The following WRN variants were observed in gnomAD, a reference collection of about 807,000 sequenced individuals.
The protein encoded by WRN is WRN RecQ like helicase, also known as bifunctional 3'-5' exonuclease/ATP-dependent helicase WRN.
Under a neutral mutation model 180.7 loss-of-function variants are expected in WRN, and 149 were observed. The observed-to-expected ratio is 0.82, with a 90% CI of 0.72 to 0.94. WRN has a LOEUF of 0.94. Among genes scored for constraint, WRN ranks in the 40% least tolerant of loss-of-function variants. The pLI is 0.00. For synonymous variants in WRN, 548 were observed against 568.9 expected, an observed-to-expected ratio of 0.96 and a Z score of 0.52; for missense variants, 1,661 against 1,700.1, an observed-to-expected ratio of 0.98 and a Z score of 0.40.
At chr8:31,116,549 T>C (rs773873583) in intron 20 of WRN, 21 bp downstream of exon 20, 2 of 1,612,608 alleles carry the variant, frequency 1.2e-6, no homozygotes, top group Admixed American at 1.7e-5. Flanking sequence ...CAATCATCAT[T>C]GCTCTCCGTT....
chr8:31,128,353 T>A (rs1802008316), intron 23 of WRN, among the ~76,000 whole-genome samples: 3 of 151,946 alleles, frequency 2.0e-5, no homozygotes, highest in African/African-American at 7.2e-5. Context: ...ACTATAGCAG[T>A]GTATCTCAAG....
chr8:31,116,049 C>T (rs183336263), intron 19 of WRN, among the ~76,000 whole-genome samples: 3 of 152,172 alleles, frequency 2.0e-5, no homozygotes, highest in South Asian at 2.1e-4. Flanking sequence ...TTGTATCTGT[C>T]GTTTATAAGT....
chr8:31,087,599 A>G, intron 11 of WRN, 177 bp from the exon 12 acceptor site: 2 of 596,894 alleles, frequency 3.4e-6, no homozygotes, highest in East Asian at 3.0e-5. Flanking sequence ...CGCCTTAGAA[A>G]CCATTCATGA....
chr8:31,069,113 A>G (rs1167897865), intron 7 of WRN, among the ~76,000 whole-genome samples: 2 of 152,264 alleles, frequency 1.3e-5, no homozygotes, highest in African/African-American at 4.8e-5. Flanking sequence ...TAAAGTTATC[A>G]CTATTCTCGT....
intron 18 of WRN, among the ~76,000 whole-genome samples, chr8:31,102,941 A>G (rs1051487484): frequency 6.6e-6 from 1 of 152,224 alleles, no homozygotes; most frequent in Non-Finnish European, 1.5e-5. Flanking sequence ...AACACATTGT[A>G]CAGCTGTACA....
chr8:31,052,178 A>G (rs936466263), intron 1 of WRN, among the ~76,000 whole-genome samples: 2 of 152,214 alleles, frequency 1.3e-5, no homozygotes, highest in African/African-American at 2.4e-5. Context: ...TTGATTATTC[A>G]TTAAAAAATT....
intron 18 of WRN, among the ~76,000 whole-genome samples, chr8:31,102,322 T>C (rs1387460365): frequency 6.6e-6 from 1 of 152,216 alleles, no homozygotes; most frequent in Admixed American, 6.5e-5. Flanking sequence ...GAATTAGTTT[T>C]TTTCACTCAA....
At chr8:31,130,037 C>G (rs538992605) in intron 23 of WRN, among the ~76,000 whole-genome samples, 2 of 117,398 alleles carry the variant, frequency 1.7e-5, no homozygotes, top group Non-Finnish European at 3.7e-5. Context: ...AAAAAAAAAA[C>G]TAGTAAGAGG....
Position 31,174,882 on chromosome 8 carries a change from T to TCTCTC in WRN, c.*1780_*1781insCTCTC, listed in dbSNP as rs1804232533. On this transcript the variant is annotated 3_prime_UTR_variant, in exon 35 of 35. Coordinates refer to ENST00000298139, the MANE Select transcript of WRN (RefSeq NM_000553.6). ...TTTTTCTTTCTCTTTCTTTCTTTCTTTCTCTCTCTCTCTCTCTTTCTTTCT... is the reference window on the plus strand; with the variant it reads ...TTTTTCTTTCTCTTTCTTTCTTTCTTCTCTCTCTCTCTCTCTCTCTCTTTCTTTCT... Among the ~76,000 whole-genome samples, 12 of 134,896 alleles carry TCTCTC rather than the reference T, an allele frequency of 8.9e-5. No homozygotes were observed. The South Asian group carries it at 1.8e-3, about 21-fold the overall frequency. The allele number at this position is 134,896 out of a possible 152,430, so 88.5% of individuals were successfully genotyped here.
chr8:31,112,319 T>A (rs752845310), intron 19 of WRN, among the ~76,000 whole-genome samples: 7 of 152,198 alleles, frequency 4.6e-5, no homozygotes, highest in Non-Finnish European at 5.9e-5. Context: ...TCTAGTTTAC[T>A]AATTACATGA....
intron 1 of WRN, among the ~76,000 whole-genome samples, chr8:31,057,626 A>G (rs1289969827): frequency 6.6e-6 from 1 of 152,182 alleles, no homozygotes; most frequent in Non-Finnish European, 1.5e-5. Flanking sequence ...AATAGGAACT[A>G]AAGTTGAAGT....
At chr8:31,150,315 G>T in intron 30 of WRN, 26 bp from the exon 31 acceptor site, 1 of 1,556,098 alleles carries the variant, frequency 6.4e-7, no homozygotes, top group Non-Finnish European at 8.9e-7. Flanking sequence ...CCTTTTTGTT[G>T]TTGTTGTTGT....
At chr8:31,059,344 C>A in intron 3 of WRN, 79 bp downstream of exon 3, 1 of 1,177,488 alleles carries the variant, frequency 8.5e-7, no homozygotes, top group Non-Finnish European at 1.3e-6. Flanking sequence ...TGTGAATATA[C>A]TGAGTTTTAC....
intron 33 of WRN, among the ~76,000 whole-genome samples, chr8:31,160,647 G>T (rs1166859325): frequency 1.3e-5 from 2 of 152,158 alleles, no homozygotes. Context: ...AAAGCAATTT[G>T]CATCTTTCGA....
intron 7 of WRN, among the ~76,000 whole-genome samples, chr8:31,069,536 A>C (rs1812829770): frequency 6.6e-6 from 1 of 152,258 alleles, no homozygotes; most frequent in Non-Finnish European, 1.5e-5. Flanking sequence ...CATTGAATCT[A>C]TATGAATGAA....
intron 28 of WRN, among the ~76,000 whole-genome samples, chr8:31,145,833 T>G (rs182220547): frequency 6.6e-6 from 1 of 152,238 alleles, no homozygotes; most frequent in African/African-American, 2.4e-5. Context: ...TCGATTCTTA[T>G]TAAAATCAAG....
intron 32 of WRN, 82 bp downstream of exon 32, chr8:31,154,837 T>C: frequency 6.5e-7 from 1 of 1,534,146 alleles, no homozygotes; most frequent in Non-Finnish European, 8.9e-7. Flanking sequence ...ATTAAAGTTC[T>C]GACTTGGGAT....
At chr8:31,134,461 T>C (rs1457948235) in intron 24 of WRN, among the ~76,000 whole-genome samples, 2 of 152,238 alleles carry the variant, frequency 1.3e-5, no homozygotes, top group African/African-American at 4.8e-5. Context: ...AATTTTGTTT[T>C]GAAGCTGCAA....
intron 1 of WRN, among the ~76,000 whole-genome samples, chr8:31,042,838 C>T (rs1183312680): frequency 6.6e-6 from 1 of 152,018 alleles, no homozygotes; most frequent in African/African-American, 2.4e-5. Context: ...ATTCATTGAA[C>T]GTTATTTTTG....
Sources: gnomAD v4.1 joint callset for allele counts (sites outside exome capture counted in the v4.1 genomes callset) on GRCh38, gnomAD v4.1.1 for gene constraint, MANE v1.5 for transcripts, NCBI Gene and HGNC (gene_info 2026-07-23, HGNC 2026-07-21) for gene names.